TENM1: variants seen among roughly 807,000 people sequenced by gnomAD.
TENM1 encodes the protein teneurin-1.
A neutral mutation model predicts 174.8 loss-of-function variants in TENM1; 35 were observed. The ratio of observed to expected loss-of-function variants is 0.20; its 90% CI spans 0.15 to 0.27. The LOEUF is 0.27. Among genes scored for constraint, TENM1 ranks in the 10% least tolerant of loss-of-function variants. The pLI is 1.00. For synonymous variants in TENM1, 781 were observed against 798.7 expected (o/e 0.98, Z 0.37); for missense variants, 1,633 against 2,130.1 (o/e 0.77, Z 4.59).
chrX:125,102,693 T>C, the TENM1 span, among the ~76,000 whole-genome samples: 1 of 112,504 alleles, frequency 8.9e-6, no homozygotes, highest in Non-Finnish European at 1.9e-5. Context: ...ACTGATCACA[T>C]TCTAGTTTCA....
At chrX:124,843,716 A>AG (rs2056550187) in intron 3 of TENM1, among the ~76,000 whole-genome samples, 1 of 111,617 alleles carries the variant, frequency 9.0e-6, no homozygotes, top group Non-Finnish European at 1.9e-5. Flanking sequence ...GTTTTAAAGG[A>AG]GGGGTCCAAA....
chrX:125,115,411 A>G, the TENM1 span, among the ~76,000 whole-genome samples: 1 of 111,419 alleles, frequency 9.0e-6, no homozygotes, highest in African/African-American at 3.3e-5. Context: ...AGAGAAAGAA[A>G]TGAAGGGTAT....
rs149707869 is a variant in TENM1, at chrX:124,896,478, A to G, written c.218-237T>C. Among the ~76,000 whole-genome samples the G allele has an allele frequency of 6.3e-3, 703 of 111,494 alleles. 5 individuals carry two copies. Among genetic ancestry groups the G allele is most frequent in the African/African-American group, 0.022 (671 of 30,753 alleles). ...AGGTTCTGGAAAAAGCGCGCCCAAA[A>G]TAGTTCTATAGCTACAATTTTAGGT... is the stretch of plus-strand genomic sequence containing the variant. On this transcript the variant is annotated intron_variant, in intron 1 of 31. Coordinates refer to ENST00000422452, the Ensembl canonical transcript of TENM1.
At chrX:125,037,971 G>C in the TENM1 span, among the ~76,000 whole-genome samples, 1 of 110,978 alleles carries the variant, frequency 9.0e-6, no homozygotes, top group African/African-American at 3.3e-5. Context: ...CACATTCACA[G>C]GTGACTTCTG....
At chrX:124,424,433 A>G (rs1329442838) in intron 23 of TENM1, among the ~76,000 whole-genome samples, 1 of 112,059 alleles carries the variant, frequency 8.9e-6, no homozygotes, top group Non-Finnish European at 1.9e-5. Flanking sequence ...TAGTCTTCCT[A>G]CTTAGTGGTA....
At chrX:124,480,708 T>C (rs898803774) in intron 22 of TENM1, among the ~76,000 whole-genome samples, 1 of 112,162 alleles carries the variant, frequency 8.9e-6, no homozygotes, top group Non-Finnish European at 1.9e-5. Flanking sequence ...CTGCAACAAA[T>C]GTTTGTATTA....
At chrX:124,569,024 T>C (rs1602680782) in intron 11 of TENM1, among the ~76,000 whole-genome samples, 1 of 111,443 alleles carries the variant, frequency 9.0e-6, no homozygotes, top group East Asian at 2.8e-4. Flanking sequence ...TGCAACATAG[T>C]GAGACTCCAT....
the TENM1 span, among the ~76,000 whole-genome samples, chrX:125,059,598 T>C: frequency 9.0e-6 from 1 of 111,492 alleles, no homozygotes; most frequent in African/African-American, 3.3e-5. Context: ...CATCTCCTCA[T>C]TTCATCTTCC....
At chrX:125,185,676 G>C in the TENM1 span, among the ~76,000 whole-genome samples, 2 of 112,030 alleles carry the variant, frequency 1.8e-5, no homozygotes, top group Admixed American at 1.9e-4. Flanking sequence ...GAATCAAAAA[G>C]GAGACAGCGG....
intron 1 of TENM1, among the ~76,000 whole-genome samples, chrX:124,945,748 G>A (rs1014514574): frequency 1.8e-5 from 2 of 111,146 alleles, no homozygotes; most frequent in African/African-American, 3.3e-5. Context: ...TCTCAGCTTG[G>A]TTTTCCCAAA....
At chrX:124,759,296 T>A (rs2054347323) in intron 3 of TENM1, among the ~76,000 whole-genome samples, 1 of 111,298 alleles carries the variant, frequency 9.0e-6, no homozygotes, top group East Asian at 2.8e-4. Context: ...TAATAACGTA[T>A]GTTTTAATAG....
chrX:124,453,678 G>A (rs1160087948), intron 22 of TENM1, among the ~76,000 whole-genome samples, 187 bp from the exon 26 acceptor site: 1 of 111,931 alleles, frequency 8.9e-6, no homozygotes, highest in East Asian at 2.8e-4. Flanking sequence ...TTTGTGTATT[G>A]AGAAGAAATG....
intron 5 of TENM1, among the ~76,000 whole-genome samples, chrX:124,690,977 A>C (rs1191935470): frequency 1.8e-5 from 2 of 111,337 alleles, no homozygotes; most frequent in Non-Finnish European, 3.8e-5. Context: ...TATGCAGTTT[A>C]AAAGCACAAG....
At chrX:124,716,813 C>T (rs2053193665) in intron 4 of TENM1, among the ~76,000 whole-genome samples, 2 of 111,691 alleles carry the variant, frequency 1.8e-5, no homozygotes, top group South Asian at 3.8e-4. Context: ...ACTCCCTAAA[C>T]ACACTGTGCG....
intron 3 of TENM1, among the ~76,000 whole-genome samples, chrX:124,819,216 A>G (rs2055977350): frequency 8.9e-6 from 1 of 112,120 alleles, no homozygotes; most frequent in Non-Finnish European, 1.9e-5. Flanking sequence ...TGAATTTCAA[A>G]CCATCTGGGT....
intron 31 of TENM1, among the ~76,000 whole-genome samples, chrX:124,381,833 G>GA (rs1312950946): frequency 9.0e-6 from 1 of 111,300 alleles, no homozygotes; most frequent in Non-Finnish European, 1.9e-5. Context: ...GAAATAAAGA[G>GA]AAAAGACTAA....
At chrX:124,433,906 C>T (rs756653293) in intron 23 of TENM1, among the ~76,000 whole-genome samples, 2 of 111,775 alleles carry the variant, frequency 1.8e-5, no homozygotes, top group South Asian at 7.6e-4. Context: ...CTCCCCATTA[C>T]CCAAAGATAT....
chrX:124,569,615 G>GATCC (rs1184254533), intron 11 of TENM1, among the ~76,000 whole-genome samples: 36 of 111,753 alleles, frequency 3.2e-4, no homozygotes, highest in African/African-American at 1.1e-3. Flanking sequence ...ATGAATCTAA[G>GATCC]ATCCATACAT....
chrX:124,972,586 C>T, the TENM1 span, among the ~76,000 whole-genome samples: 1 of 112,131 alleles, frequency 8.9e-6, no homozygotes, highest in Non-Finnish European at 1.9e-5. Flanking sequence ...GTGATGACAG[C>T]TTACATAAGC....
Sources: gnomAD v4.1 joint callset for allele counts (sites outside exome capture counted in the v4.1 genomes callset) on GRCh38, gnomAD v4.1.1 for gene constraint, MANE v1.5 for transcripts, NCBI Gene and HGNC (gene_info 2026-07-23, HGNC 2026-07-21) for gene names.